PRKAR2A: variants seen among roughly 807,000 people sequenced by gnomAD.
The protein encoded by PRKAR2A is protein kinase cAMP-dependent type II regulatory subunit alpha.
PRKAR2A carries 29 observed loss-of-function variants against 51.9 expected under a neutral mutation model. The observed-to-expected ratio is 0.56, with a 90% CI of 0.42 to 0.76. PRKAR2A has a LOEUF of 0.76. Among genes scored for constraint, PRKAR2A ranks in the 30% least tolerant of loss-of-function variants. PRKAR2A has a pLI of 0.00. For synonymous variants in PRKAR2A, 178 were observed against 186.2 expected (o/e 0.96, Z 0.36); for missense variants, 445 against 512.1 (o/e 0.87, Z 1.26).
intron 6 of PRKAR2A, among the ~76,000 whole-genome samples, chr3:48,771,274 A>G (rs777474889): frequency 7.9e-5 from 12 of 152,082 alleles, no homozygotes; most frequent in Non-Finnish European, 1.0e-4. Context: ...TTGGGAGGCC[A>G]AGGCAGGAGG....
intron 1 of PRKAR2A, among the ~76,000 whole-genome samples, chr3:48,811,902 T>C (rs1454441796): frequency 1.3e-5 from 2 of 151,982 alleles, no homozygotes; most frequent in Non-Finnish European, 2.9e-5. Context: ...TTATGTAAAA[T>C]TCCCAGAGAA....
intron 1 of PRKAR2A, among the ~76,000 whole-genome samples, chr3:48,836,222 A>G (rs971759564): frequency 1.3e-5 from 2 of 151,458 alleles, no homozygotes; most frequent in African/African-American, 4.9e-5. Flanking sequence ...GTTCAAGACC[A>G]GCCTGACCAA....
At chr3:48,802,012 C>T (rs1423680214) in intron 2 of PRKAR2A, among the ~76,000 whole-genome samples, 3 of 152,088 alleles carry the variant, frequency 2.0e-5, no homozygotes, top group African/African-American at 7.2e-5. Flanking sequence ...CGGGTTGAAG[C>T]GATTCTCCTG....
chr3:48,752,118 G>T, intron 10 of PRKAR2A, 58 bp downstream of exon 10: 1 of 1,569,096 alleles, frequency 6.4e-7, no homozygotes, highest in Non-Finnish European at 8.6e-7. Context: ...GCTTGCTGAT[G>T]GGAAAAAAAT....
intron 4 of PRKAR2A, among the ~76,000 whole-genome samples, chr3:48,790,247 T>G (rs1288789470): frequency 6.6e-6 from 1 of 152,112 alleles, no homozygotes; most frequent in Non-Finnish European, 1.5e-5. Context: ...TTTTAAAACT[T>G]AGGAATTATT....
intron 6 of PRKAR2A, among the ~76,000 whole-genome samples, chr3:48,770,401 C>A (rs2082012613): frequency 6.6e-6 from 1 of 152,086 alleles, no homozygotes; most frequent in South Asian, 2.1e-4. Context: ...ATGGCAGCTG[C>A]CCATTATAAA....
chr3:48,767,168 T>C (rs921187450), intron 6 of PRKAR2A, among the ~76,000 whole-genome samples: 7 of 152,330 alleles, frequency 4.6e-5, no homozygotes, highest in Middle Eastern at 3.4e-3. Flanking sequence ...ACTATACATA[T>C]ATACATTTTG....
chr3:48,829,599 C>CATAAATGTGTGTAT (rs1162671009), intron 1 of PRKAR2A, among the ~76,000 whole-genome samples: 1 of 73,166 alleles, frequency 1.4e-5, no homozygotes, highest in African/African-American at 5.1e-5. Context: ...TATATACACA[C>CATAAATGTGTGTAT]ACATAAATGT....
At chr3:48,797,840 C>T (rs983197444) in intron 2 of PRKAR2A, among the ~76,000 whole-genome samples, 2 of 152,176 alleles carry the variant, frequency 1.3e-5, no homozygotes, top group African/African-American at 2.4e-5. Flanking sequence ...TAGGTAATGA[C>T]TCACTATCTT....
Position 48,794,007 on chromosome 3 carries a change from G to A in PRKAR2A, c.341C>T (p.Thr114Ile). ...TGCTTTGGGTCTTACCCTTGGATCT[G>A]TATCTTCCTCTTCCTCATCAGGGTT... The part of the protein sequence containing the change: ...TYNPDEEEED[T>I]DPRVIHPKTD... The change falls in exon 3 of 11, where the codon ACA becomes ATA. Residue 114 changes from threonine (T) to isoleucine (I), a missense_variant. Transcript: ENST00000265563. 1 of 1,604,122 alleles carries A rather than the reference G, an allele frequency of 6.2e-7. No homozygotes were observed. Among genetic ancestry groups the A allele is most frequent in the South Asian group, 1.1e-5 (1 of 90,780 alleles).
chr3:48,768,281 G>A (rs2081969963), intron 6 of PRKAR2A, among the ~76,000 whole-genome samples: 1 of 148,394 alleles, frequency 6.7e-6, no homozygotes, highest in Admixed American at 6.8e-5. Context: ...CCAACAGAGT[G>A]AGACCGTCTC....
chr3:48,754,698 C>G (rs2081730119), intron 9 of PRKAR2A, among the ~76,000 whole-genome samples: 1 of 151,634 alleles, frequency 6.6e-6, no homozygotes, highest in Non-Finnish European at 1.5e-5. Context: ...CGCTTGAACC[C>G]AGGGACGGAG....
At chr3:48,793,339 A>G (rs959024612) in intron 3 of PRKAR2A, among the ~76,000 whole-genome samples, 2 of 152,166 alleles carry the variant, frequency 1.3e-5, no homozygotes, top group Non-Finnish European at 2.9e-5. Flanking sequence ...CCATTTGTAC[A>G]TCCTCAGGAA....
At chr3:48,838,350 T>C (rs1467793121) in intron 1 of PRKAR2A, among the ~76,000 whole-genome samples, 1 of 151,296 alleles carries the variant, frequency 6.6e-6, no homozygotes, top group East Asian at 2.0e-4. Flanking sequence ...CTCACACCTG[T>C]AATCCCAGCA....
intron 4 of PRKAR2A, 21 bp downstream of exon 4, chr3:48,790,523 T>C: frequency 6.7e-7 from 1 of 1,493,402 alleles, no homozygotes; most frequent in Non-Finnish European, 9.0e-7. Flanking sequence ...ATAATAAAAA[T>C]ACTTTAGAAA....
At chr3:48,793,442 G>A (rs1448724487) in intron 3 of PRKAR2A, among the ~76,000 whole-genome samples, 2 of 152,184 alleles carry the variant, frequency 1.3e-5, no homozygotes, top group Admixed American at 6.6e-5. Context: ...TGTTGTTGTC[G>A]TTGTTATTTT....
intron 1 of PRKAR2A, among the ~76,000 whole-genome samples, chr3:48,829,867 ATATAT>A (rs1358985789): frequency 5.0e-5 from 4 of 79,624 alleles, no homozygotes; most frequent in African/African-American, 1.8e-4. Context: ...ATATATATAT[ATATAT>A]TTTTTTTTTT....
rs2083492214 is a variant in PRKAR2A, at chr3:48,847,659, T to C, written c.-63A>G. The C allele has an allele frequency of 2.2e-6, 3 of 1,381,370 alleles. No homozygotes were observed. Among genetic ancestry groups the C allele is most frequent in the Non-Finnish European group, 2.8e-6 (3 of 1,071,208 alleles). The allele number at this position is 1,381,370 out of a possible 1,614,324, so 85.6% of individuals were successfully genotyped here. ...CGGCGGCCACTGTCTCCGCGCTCACTCACGCCGGCCTTTCGCTCCGCGCCC... is the reference window on the plus strand; with the variant it reads ...CGGCGGCCACTGTCTCCGCGCTCACCCACGCCGGCCTTTCGCTCCGCGCCC... On this transcript the variant is annotated 5_prime_UTR_variant, in exon 1 of 11. Coordinates refer to ENST00000265563, the MANE Select transcript of PRKAR2A (RefSeq NM_004157.4). The surrounding 1 kb of genome is among the most constrained non-coding windows in gnomAD (Gnocchi z 4.4).
intron 2 of PRKAR2A, among the ~76,000 whole-genome samples, chr3:48,805,703 G>A (rs898900132): frequency 2.6e-5 from 4 of 152,076 alleles, no homozygotes; most frequent in Non-Finnish European, 4.4e-5. Flanking sequence ...CCTGGCACAC[G>A]GTCTGCACTT....
Sources: gnomAD v4.1 joint callset for allele counts (sites outside exome capture counted in the v4.1 genomes callset) on GRCh38, gnomAD v4.1.1 for gene constraint, Gnocchi (gnomAD v3.1) non-coding constraint, MANE v1.5 for transcripts, NCBI Gene and HGNC (gene_info 2026-07-23, HGNC 2026-07-21) for gene names.